CUL1: variants seen among roughly 807,000 people sequenced by gnomAD.
CUL1 encodes the protein cullin 1.
Under a neutral mutation model 118.0 loss-of-function variants are expected in CUL1, and 24 were observed. That is an observed-to-expected ratio of 0.20 (90% CI 0.15 to 0.29). CUL1 has a LOEUF of 0.29. CUL1 is among the 10% of genes least tolerant of loss of function. The pLI is 1.00. For missense variants in CUL1, 361 were observed against 933.8 expected (o/e 0.39, Z 7.99); for synonymous variants, 332 against 340.4 (o/e 0.98, Z 0.27).
At chr7:148,789,690 G>A (rs1800942129) in intron 14 of CUL1, 60 bp from the exon 15 acceptor site, 1 of 1,369,076 alleles carries the variant, frequency 7.3e-7, no homozygotes, top group South Asian at 1.2e-5. Context: ...GAATTTTTCA[G>A]TTTATAAACT....
At chr7:148,782,867 G>A (rs533800156) in intron 9 of CUL1, among the ~76,000 whole-genome samples, 41 of 152,304 alleles carry the variant, frequency 2.7e-4, no homozygotes, top group African/African-American at 9.4e-4. Flanking sequence ...ATCTGTGCTT[G>A]GCTGGGGGTG....
intron 2 of CUL1, among the ~76,000 whole-genome samples, chr7:148,747,550 C>A (rs1340078071): frequency 6.6e-6 from 1 of 152,056 alleles, no homozygotes; most frequent in Admixed American, 6.6e-5. Flanking sequence ...TCCATGGAAA[C>A]CTGGAAGACA....
chr7:148,778,966 T>C (rs572279806), intron 9 of CUL1, among the ~76,000 whole-genome samples: 1 of 152,344 alleles, frequency 6.6e-6, no homozygotes, highest in East Asian at 1.9e-4. Flanking sequence ...TACTAGGAAG[T>C]GTTCGAGTGT....
rs367759586 is a variant in CUL1, at chr7:148,798,686, T to C, written c.2136+9T>C. 36 of 1,608,454 alleles carry C rather than the reference T, an allele frequency of 2.2e-5. No homozygotes were observed. The highest frequency in any genetic ancestry group is 4.0e-5 in the African/African-American group (3 of 74,750). The stretch of plus-strand genomic sequence containing the variant: ...GCAAACTACTGATTCAGGTGACTTA[T>C]CTGTATGCCTGTGCCAGGTGTGCTG... On this transcript the variant is annotated intron_variant, in intron 20 of 21. Transcript: ENST00000325222.
chr7:148,725,248 C>CACACACACACACACACA (rs3222168), intron 1 of CUL1, among the ~76,000 whole-genome samples: 4 of 151,276 alleles, frequency 2.6e-5, no homozygotes, highest in African/African-American at 4.9e-5. Context: ...CACACACACA[C>CACACACACACACACACA]CCGTACCCCT....
intron 2 of CUL1, among the ~76,000 whole-genome samples, chr7:148,734,569 T>TAA (rs1211810328): frequency 1.3e-5 from 2 of 152,226 alleles, no homozygotes; most frequent in Non-Finnish European, 2.9e-5. Context: ...ATAAAATACA[T>TAA]AGAGTAAAAT....
intron 1 of CUL1, among the ~76,000 whole-genome samples, chr7:148,714,464 G>C (rs954909617): frequency 1.3e-5 from 2 of 152,078 alleles, no homozygotes; most frequent in African/African-American, 4.8e-5. Flanking sequence ...CTGAGACTTC[G>C]CACCTTTGAC....
At chr7:148,738,783 T>A (rs1584780466) in intron 2 of CUL1, among the ~76,000 whole-genome samples, 1 of 152,210 alleles carries the variant, frequency 6.6e-6, no homozygotes, top group Non-Finnish European at 1.5e-5. Flanking sequence ...ATTCCTATAT[T>A]TAACTTGTCC....
At position 148,800,386 on chromosome 7, in the gene CUL1, C is replaced by G. The variant is rs1249819600; in HGVS notation, c.2251-116C>G. On this transcript the variant is annotated intron_variant, in intron 21 of 21. Transcript: ENST00000325222. This position sits in a 1 kb window ranked among gnomAD's most constrained non-coding sequence, Gnocchi z 4.6. ...AGATCTGGGGCGGGGACACTGCTCC[C>G]CACTGAGCTCCGAATCAGGGGAGAT... The G allele has an allele frequency of 3.1e-5, 24 of 783,590 alleles. No individual in the cohort carries two copies. The Admixed American group carries it at 4.5e-4, about 15-fold the overall frequency. 48.5% of individuals were successfully genotyped at this position (783,590 alleles called of 1,614,324 possible). A position where few individuals can be genotyped will look rare whatever the true frequency, so the allele number is the denominator to read the frequency against.
intron 2 of CUL1, among the ~76,000 whole-genome samples, chr7:148,741,748 G>A (rs1193210376): frequency 6.7e-6 from 1 of 149,564 alleles, no homozygotes. Context: ...TAATTTTGGT[G>A]TTTGTAGTAG....
chr7:148,799,338 G>A lies in CUL1; in HGVS notation c.2200G>A (p.Val734Ile). Residue 734 changes from valine (V) to isoleucine (I), a missense_variant, in exon 21 of 22, where the codon GTC (valine) becomes ATC (isoleucine). This residue lies in a region of CUL1 where 24 missense variants were observed against 126.7 expected (regional missense o/e 0.19). Transcript: ENST00000325222. Reference protein sequence around the residue: ...VLKHQQLLGEVLTQLSSRFKP... With the variant: ...VLKHQQLLGEILTQLSSRFKP... ...GAAACACCAGCAGTTACTTGGCGAG[G>A]TCCTCACTCAGCTGTCCTCCAGGTT... is the stretch of plus-strand genomic sequence containing the variant. 6.2e-7 allele frequency: 1 copy of A among 1,614,142 alleles called. No homozygotes were observed. Among genetic ancestry groups the A allele is most frequent in the South Asian group, 1.1e-5 (1 of 91,076 alleles).
intron 2 of CUL1, among the ~76,000 whole-genome samples, chr7:148,736,977 C>G (rs1798965502): frequency 6.6e-6 from 1 of 152,234 alleles, no homozygotes; most frequent in Non-Finnish European, 1.5e-5. Context: ...AATTGCTCTT[C>G]TTTGCCTTCT....
intron 3 of CUL1, among the ~76,000 whole-genome samples, chr7:148,754,752 CT>C (rs879470066): frequency 2.3e-3 from 326 of 142,866 alleles, no homozygotes; most frequent in Middle Eastern, 3.6e-3. Context: ...TTTTCTTTTC[CT>C]TTTTTTTTTT....
At chr7:148,709,898 C>T (rs977381702) in intron 1 of CUL1, among the ~76,000 whole-genome samples, 2 of 152,050 alleles carry the variant, frequency 1.3e-5, no homozygotes, top group East Asian at 3.9e-4. Flanking sequence ...GCCTGGGCAA[C>T]GTAGTGAAAC....
At chr7:148,742,166 T>G (rs952387777) in intron 2 of CUL1, among the ~76,000 whole-genome samples, 1 of 152,222 alleles carries the variant, frequency 6.6e-6, no homozygotes, top group African/African-American at 2.4e-5. Context: ...GGGATTACAT[T>G]GAATCTTTGG....
At chr7:148,769,539 G>A (rs1800140438) in intron 9 of CUL1, among the ~76,000 whole-genome samples, 1 of 151,920 alleles carries the variant, frequency 6.6e-6, no homozygotes, top group Admixed American at 6.6e-5. Flanking sequence ...TGTTGATTCA[G>A]AACTCAATTT....
intron 9 of CUL1, among the ~76,000 whole-genome samples, chr7:148,778,716 A>G (rs1281082435): frequency 1.3e-5 from 2 of 152,090 alleles, no homozygotes; most frequent in Non-Finnish European, 1.5e-5. Flanking sequence ...TCCTCAGGGA[A>G]CTCTCCTAAA....
At chr7:148,730,367 C>A in intron 2 of CUL1, 105 bp downstream of exon 2, 1 of 1,271,696 alleles carries the variant, frequency 7.9e-7, no homozygotes, top group Non-Finnish European at 1.1e-6. Context: ...CCCAGTTCAT[C>A]ATGTAAAATA....
intron 9 of CUL1, among the ~76,000 whole-genome samples, chr7:148,776,640 C>T (rs1359300400): frequency 1.3e-5 from 2 of 152,074 alleles, no homozygotes; most frequent in Non-Finnish European, 2.9e-5. Context: ...TTATATCCAA[C>T]ATACACCCTT....
Sources: allele counts gnomAD v4.1 joint callset (sites outside exome capture counted in the v4.1 genomes callset), GRCh38; gene constraint gnomAD v4.1.1; regional missense constraint gnomAD v4.1.1; non-coding constraint Gnocchi (gnomAD v3.1); transcripts MANE v1.5; gene names NCBI Gene and HGNC (gene_info 2026-07-23, HGNC 2026-07-21).